LAMA2: variants seen among roughly 807,000 people sequenced by gnomAD.
LAMA2 encodes laminin subunit alpha-2.
LAMA2 carries 269 observed loss-of-function variants against 364.8 expected under a neutral mutation model. The observed-to-expected ratio is 0.74, with a 90% CI of 0.67 to 0.82. The LOEUF (loss-of-function observed/expected upper bound fraction) is 0.82. LAMA2 is among the 40% of genes least tolerant of loss of function. LAMA2 has a pLI of 0.00. For synonymous variants in LAMA2, 1,379 were observed against 1,370.6 expected (o/e 1.01, Z -0.14); for missense variants, 3,807 against 3,873.2 (o/e 0.98, Z 0.45).
chr6:129,499,794 T>G (rs1196452016), intron 58 of LAMA2, among the ~76,000 whole-genome samples: 2 of 152,156 alleles, frequency 1.3e-5, no homozygotes, highest in Admixed American at 6.5e-5. Context: ...CATAGCTCAC[T>G]CTAACCTTGA....
At chr6:129,241,048 G>T (rs962622229) in intron 12 of LAMA2, among the ~76,000 whole-genome samples, 1 of 152,122 alleles carries the variant, frequency 6.6e-6, no homozygotes, top group African/African-American at 2.4e-5. Context: ...ATCTCCTTTA[G>T]CCTATTTTTA....
rs781087897 is a variant in LAMA2 at position 129,328,258 on chromosome 6, T to C, written c.4177-20T>C. On this transcript the variant is annotated intron_variant, in intron 28 of 64. Coordinates refer to ENST00000421865, the MANE Select transcript of LAMA2 (RefSeq NM_000426.4). ...AGTATTTCTAACTTTGCTGTCCTAA[T>C]TGGCTTCCTTTTCTTTCAGGCATGC... 6.2e-7 allele frequency: 1 copy of C among 1,610,888 alleles called. No individual in the cohort carries two copies. The highest frequency in any genetic ancestry group is 1.1e-5 in the South Asian group (1 of 91,020).
rs576611653 is a variant in LAMA2, at chr6:129,429,100, C to T, written c.5968+1246C>T. Among the ~76,000 whole-genome samples, 163 of 152,294 alleles carry T rather than the reference C, an allele frequency of 1.1e-3. 1 individual carries two copies. The highest frequency in any genetic ancestry group is 3.9e-3 in the African/African-American group (161 of 41,560). The stretch of plus-strand genomic sequence containing the variant: ...TTCACCTCTCTTCTTTGCCTAACTG[C>T]TTTCTTCCAGACCTTCAGGATTTAG... On this transcript the variant is annotated intron_variant, in intron 41 of 64. Transcript: ENST00000421865.
intron 2 of LAMA2, among the ~76,000 whole-genome samples, chr6:129,057,372 A>G (rs545079125): frequency 2.0e-5 from 3 of 152,302 alleles, no homozygotes; most frequent in African/African-American, 7.2e-5. Context: ...AAAGGATACA[A>G]TTTAAATAAT....
chr6:129,102,222 G>A (rs1481020118), intron 4 of LAMA2, among the ~76,000 whole-genome samples: 1 of 150,028 alleles, frequency 6.7e-6, no homozygotes, highest in Non-Finnish European at 1.5e-5. Context: ...TCCGCCTCCC[G>A]GGTTCCCGGG....
intron 37 of LAMA2, among the ~76,000 whole-genome samples, chr6:129,394,862 G>T (rs1562524223): frequency 1.3e-5 from 2 of 152,148 alleles, no homozygotes; most frequent in East Asian, 1.9e-4. Context: ...AATACCTGGA[G>T]CTTATGTATA....
chr6:129,027,238 G>A (rs2114726299), intron 1 of LAMA2, among the ~76,000 whole-genome samples: 1 of 152,136 alleles, frequency 6.6e-6, no homozygotes. Context: ...ATGTTCCAAG[G>A]ATAGCTATGT....
At chr6:129,447,996 G>C (rs1018717518) in intron 45 of LAMA2, among the ~76,000 whole-genome samples, 3 of 152,136 alleles carry the variant, frequency 2.0e-5, no homozygotes, top group Non-Finnish European at 4.4e-5. Flanking sequence ...CAAAATAAAA[G>C]AAAAGTATAG....
chr6:129,447,498 G>A (rs537999657), intron 45 of LAMA2, among the ~76,000 whole-genome samples: 2 of 152,320 alleles, frequency 1.3e-5, no homozygotes, highest in East Asian at 3.9e-4. Context: ...CAGAGTAATT[G>A]ATAAAGGAAA....
chr6:129,140,175 T>C (rs1778039910), intron 4 of LAMA2, among the ~76,000 whole-genome samples: 3 of 152,120 alleles, frequency 2.0e-5, no homozygotes, highest in Admixed American at 1.3e-4. Context: ...CAAATCATTT[T>C]TTAAAATGTA....
chr6:128,960,602 C>G (rs925020949), intron 1 of LAMA2, among the ~76,000 whole-genome samples: 1 of 152,186 alleles, frequency 6.6e-6, no homozygotes. Flanking sequence ...TCGGGTGATC[C>G]ACCCGCCTGG....
intron 1 of LAMA2, among the ~76,000 whole-genome samples, chr6:129,039,323 C>T (rs1430700698): frequency 6.6e-6 from 1 of 152,142 alleles, no homozygotes; most frequent in Non-Finnish European, 1.5e-5. Context: ...ATAATGTCAT[C>T]ACAAAGCATT....
chr6:129,511,432 G>A (rs950389653), intron 62 of LAMA2, among the ~76,000 whole-genome samples: 3 of 151,848 alleles, frequency 2.0e-5, no homozygotes, highest in Admixed American at 2.0e-4. Flanking sequence ...TGTTGCCCAG[G>A]CGCAACTGGC....
intron 1 of LAMA2, among the ~76,000 whole-genome samples, chr6:128,894,919 A>G (rs554564341): frequency 1.3e-5 from 2 of 152,304 alleles, no homozygotes; most frequent in East Asian, 3.9e-4. Flanking sequence ...GGATTTTTGA[A>G]CTTGTGTACC....
rs183630843 is a variant in LAMA2, at chr6:129,209,097, G to A, written c.1782+16244G>A. ...TCCCCTAGGCCATTTACTGCCTTAA[G>A]CTCGTTTTTACTCATACTGCAGGAA... On this transcript the variant is annotated intron_variant, in intron 12 of 64. Transcript: ENST00000421865. 3.8e-4 allele frequency among the ~76,000 whole-genome samples: 58 copies of A among 152,254 alleles called. No individual in the cohort carries two copies. In the Middle Eastern group the frequency reaches 0.014, roughly 36 times the overall value.
chr6:129,454,313 A>T, intron 47 of LAMA2, 25 bp downstream of exon 47: 1 of 1,585,082 alleles, frequency 6.3e-7, no homozygotes, highest in Non-Finnish European at 8.7e-7. Context: ...AAAGATTAAG[A>T]TAATTAAATG....
At chr6:129,469,360 A>T (rs1057234893) in intron 51 of LAMA2, among the ~76,000 whole-genome samples, 1 of 151,896 alleles carries the variant, frequency 6.6e-6, no homozygotes, top group Admixed American at 6.6e-5. Flanking sequence ...TGCAGTGGGA[A>T]TTGACATCAA....
At chr6:129,363,168 G>A (rs1032275505) in intron 32 of LAMA2, among the ~76,000 whole-genome samples, 4 of 152,170 alleles carry the variant, frequency 2.6e-5, no homozygotes, top group Non-Finnish European at 5.9e-5. Flanking sequence ...GCTGGATGTG[G>A]TGGCATGTGC....
chr6:129,187,308 C>T (rs555562860), intron 10 of LAMA2, among the ~76,000 whole-genome samples: 69 of 151,682 alleles, frequency 4.5e-4, no homozygotes, highest in African/African-American at 1.6e-3. Flanking sequence ...TAATAGAAGG[C>T]GGGAAATTTT....
Sources: gnomAD v4.1 joint callset for allele counts (sites outside exome capture counted in the v4.1 genomes callset) on GRCh38, gnomAD v4.1.1 for gene constraint, MANE v1.5 for transcripts, NCBI Gene and HGNC (gene_info 2026-07-23, HGNC 2026-07-21) for gene names.